Variants in KATNBL1 observed in about 807,000 individuals in gnomAD.
KATNBL1 encodes katanin regulatory subunit B1 like 1.
KATNBL1 carries 28 observed loss-of-function variants against 44.7 expected under a neutral mutation model. The ratio of observed to expected loss-of-function variants is 0.63; its 90% CI spans 0.46 to 0.86. The LOEUF is 0.86. Among genes scored for constraint, KATNBL1 ranks in the 40% least tolerant of loss-of-function variants. KATNBL1 has a pLI of 0.00. For missense variants in KATNBL1, 272 were observed against 350.7 expected, an observed-to-expected ratio of 0.78 and a Z score of 1.79; for synonymous variants, 78 against 114.9, an observed-to-expected ratio of 0.68 and a Z score of 2.06.
intron 1 of KATNBL1, among the ~76,000 whole-genome samples, chr15:34,172,282 A>G (rs1889186532): frequency 7.0e-5 from 2 of 28,428 alleles, no homozygotes; most frequent in Admixed American, 1.1e-3. Context: ...TTTGAGATGG[A>G]GTCTCACTCT....
intron 1 of KATNBL1, among the ~76,000 whole-genome samples, chr15:34,190,391 A>G (rs1324282366): frequency 6.6e-6 from 1 of 152,250 alleles, no homozygotes. Flanking sequence ...ATCTAATTTA[A>G]GAGGCAATGA....
At chr15:34,178,452 C>CT (rs905694119) in intron 1 of KATNBL1, among the ~76,000 whole-genome samples, 2 of 152,076 alleles carry the variant, frequency 1.3e-5, no homozygotes, top group Non-Finnish European at 2.9e-5. Context: ...TGAACATGAA[C>CT]TTTTTTCTTC....
At chr15:34,144,399 C>T (rs1888248267) in intron 9 of KATNBL1, among the ~76,000 whole-genome samples, 1 of 151,118 alleles carries the variant, frequency 6.6e-6, no homozygotes, top group Admixed American at 6.6e-5. Flanking sequence ...AAGTCCATGA[C>T]ATAAATCCTC....
At chr15:34,200,417 T>C (rs1000549900) in intron 1 of KATNBL1, among the ~76,000 whole-genome samples, 15 of 90,534 alleles carry the variant, frequency 1.7e-4, no homozygotes, top group African/African-American at 4.9e-4. Context: ...CACGCCCAGC[T>C]AATTGTTTTT....
chr15:34,163,157 C>T (rs980781676), intron 2 of KATNBL1, among the ~76,000 whole-genome samples: 1 of 151,934 alleles, frequency 6.6e-6, no homozygotes, highest in East Asian at 1.9e-4. Flanking sequence ...GATTCTCCTC[C>T]CTCAGCCTCC....
intron 1 of KATNBL1, among the ~76,000 whole-genome samples, chr15:34,167,447 G>A (rs964980719): frequency 6.7e-6 from 1 of 148,266 alleles, no homozygotes; most frequent in African/African-American, 2.6e-5. Context: ...ATGGGACTAT[G>A]TGAAAAGACC....
chr15:34,196,533 A>G (rs1890034081), intron 1 of KATNBL1, among the ~76,000 whole-genome samples: 1 of 151,898 alleles, frequency 6.6e-6, no homozygotes, highest in African/African-American at 2.4e-5. Flanking sequence ...TTCAAGACCA[A>G]CCTAGCCAAC....
At chr15:34,181,870 C>CATATATAT (rs374057022) in intron 1 of KATNBL1, among the ~76,000 whole-genome samples, 4 of 73,102 alleles carry the variant, frequency 5.5e-5, no homozygotes, top group African/African-American at 1.8e-4. Flanking sequence ...TATATATATC[C>CATATATAT]ATATATATAT....
At chr15:34,204,438 A>G (rs1192991761) in intron 1 of KATNBL1, among the ~76,000 whole-genome samples, 1 of 152,172 alleles carries the variant, frequency 6.6e-6, no homozygotes, top group African/African-American at 2.4e-5. Context: ...ACCACCTCAG[A>G]TACCAAAATT....
chr15:34,154,125 T>C (rs1888565429), intron 3 of KATNBL1, among the ~76,000 whole-genome samples: 1 of 152,228 alleles, frequency 6.6e-6, no homozygotes, highest in African/African-American at 2.4e-5. Flanking sequence ...TCTACTGTGA[T>C]ATCAAATGGC....
intron 1 of KATNBL1, among the ~76,000 whole-genome samples, chr15:34,171,811 T>A (rs1350947779): frequency 1.5e-4 from 23 of 151,932 alleles, no homozygotes; most frequent in Non-Finnish European, 3.1e-4. Flanking sequence ...CTGGAAACGA[T>A]CATTTTCAGC....
intron 2 of KATNBL1, 100 bp from the exon 3 acceptor site, chr15:34,154,784 A>C: frequency 1.3e-6 from 1 of 794,918 alleles, no homozygotes; most frequent in Non-Finnish European, 2.2e-6. Flanking sequence ...AAGGCAATTT[A>C]CTTCTGCAGA....
chr15:34,151,699 C>T (rs1249225102), intron 4 of KATNBL1, among the ~76,000 whole-genome samples: 1 of 151,926 alleles, frequency 6.6e-6, no homozygotes, highest in East Asian at 1.9e-4. Flanking sequence ...CCTTGGCCTC[C>T]CAAAGTGTGC....
intron 9 of KATNBL1, among the ~76,000 whole-genome samples, chr15:34,144,714 G>A (rs528842769): frequency 6.6e-6 from 1 of 152,080 alleles, no homozygotes; most frequent in Non-Finnish European, 1.5e-5. Flanking sequence ...GGGATTACAG[G>A]CACGTGCCAT....
intron 1 of KATNBL1, among the ~76,000 whole-genome samples, chr15:34,197,449 T>C (rs973101249): frequency 3.3e-5 from 5 of 152,230 alleles, no homozygotes; most frequent in Non-Finnish European, 5.9e-5. Flanking sequence ...CCGTAAATGT[T>C]AGCTATTATC....
At chr15:34,151,609 G>A (rs1044045617) in intron 4 of KATNBL1, among the ~76,000 whole-genome samples, 4 of 151,538 alleles carry the variant, frequency 2.6e-5, no homozygotes, top group South Asian at 2.1e-4. Flanking sequence ...GCACCACCAC[G>A]CCTGGGTAAT....
intron 1 of KATNBL1, among the ~76,000 whole-genome samples, chr15:34,165,099 C>T (rs1008470112): frequency 6.6e-6 from 1 of 152,108 alleles, no homozygotes; most frequent in Non-Finnish European, 1.5e-5. Flanking sequence ...TAAATAACTG[C>T]AATAATACAA....
intron 9 of KATNBL1, 40 bp downstream of exon 9, chr15:34,145,358 A>G: frequency 1.5e-6 from 2 of 1,346,072 alleles, no homozygotes; most frequent in Non-Finnish European, 1.9e-6. Context: ...TATTATTTCT[A>G]ATTTTTAATG....
chr15:34,149,126 T>A (rs1011511426), intron 4 of KATNBL1, among the ~76,000 whole-genome samples: 4 of 152,238 alleles, frequency 2.6e-5, no homozygotes, highest in Non-Finnish European at 5.9e-5. Context: ...TGTTGTAGTA[T>A]CATTTAAATT....
Sources: gnomAD v4.1 joint callset for allele counts (sites outside exome capture counted in the v4.1 genomes callset) on GRCh38, gnomAD v4.1.1 for gene constraint, MANE v1.5 for transcripts, NCBI Gene and HGNC (gene_info 2026-07-23, HGNC 2026-07-21) for gene names.